NPIPB15: variants seen among roughly 807,000 people sequenced by gnomAD.
NPIPB15 encodes nuclear pore complex-interacting protein family member B15.
NPIPB15 carries 5 observed loss-of-function variants against 35.9 expected under a neutral mutation model. The ratio of observed to expected loss-of-function variants is 0.14; its 90% CI spans 0.07 to 0.29. The LOEUF is 0.29. Among genes scored for constraint, NPIPB15 ranks in the 10% least tolerant of loss-of-function variants. The pLI is 1.00. For missense variants in NPIPB15, 100 were observed against 506.1 expected (o/e 0.20, Z 7.70); for synonymous variants, 43 against 182.0 (o/e 0.24, Z 6.15).
In NPIPB15 at chr16:74,378,446, T is replaced by A. The variant is rs61012658; in HGVS notation, c.66+407T>A. ...GCCTTTTTTTTTTTTTTTTTTTTTT[T>A]GACAGAGTCTCACTCTGTCGCCCAG... is the stretch of plus-strand genomic sequence containing the variant. On this transcript the variant is annotated intron_variant, in intron 2 of 7. Coordinates refer to ENST00000692376, the MANE Select transcript of NPIPB15 (RefSeq NM_001306094.2). Among the ~76,000 whole-genome samples, 126 of 120,250 alleles carry A rather than the reference T, an allele frequency of 1.0e-3. 3 individuals carry two copies. Among genetic ancestry groups the A allele is most frequent in the African/African-American group, 1.7e-3 (50 of 30,268 alleles). 78.9% of individuals were successfully genotyped at this position (120,250 alleles called of 152,430 possible). A position where few individuals can be genotyped will look rare whatever the true frequency, so the allele number is the denominator to read the frequency against.
At chr16:74,386,483 G>C (rs1379007221) in intron 5 of NPIPB15, among the ~76,000 whole-genome samples, 1 of 117,660 alleles carries the variant, frequency 8.5e-6, no homozygotes, top group Non-Finnish European at 1.7e-5. Flanking sequence ...TTTTGAGACA[G>C]AGTCTCACTC....
At chr16:74,386,457 A>AT (rs71218016) in intron 5 of NPIPB15, among the ~76,000 whole-genome samples, 5,139 of 66,054 alleles carry the variant, frequency 0.078, 133 homozygotes, top group African/African-American at 0.087. Flanking sequence ...CATTCGGCCA[A>AT]TTTTTTTTTT....
chr16:74,386,284 C>A (rs1597157756), intron 5 of NPIPB15, among the ~76,000 whole-genome samples: 1 of 106,540 alleles, frequency 9.4e-6, no homozygotes, highest in East Asian at 3.8e-4. Context: ...CACACCCAGC[C>A]TTTTTTTTTT....
At chr16:74,378,698 C>T (rs868622507) in intron 2 of NPIPB15, among the ~76,000 whole-genome samples, 7,036 of 103,970 alleles carry the variant, frequency 0.068, 12 homozygotes, top group African/African-American at 0.093. Context: ...GCGTGAACCA[C>T]CGCGCCTGGC....
rs1468715128 is a variant in NPIPB15, at chr16:74,386,520, A to G, written c.545+771A>G. ...GTCACCCAGGCTAGAGTGCAGTGGC[A>G]TGATCTTGGCTCACTGCAACCTCCG... is the stretch of plus-strand genomic sequence containing the variant. On this transcript the variant is annotated intron_variant, in intron 5 of 7. Coordinates refer to ENST00000692376, the MANE Select transcript of NPIPB15 (RefSeq NM_001306094.2). 3.2e-5 allele frequency among the ~76,000 whole-genome samples: 4 copies of G among 123,694 alleles called. No homozygotes were observed. In the South Asian group the frequency reaches 1.1e-3, roughly 35 times the overall value. 81.1% of individuals were successfully genotyped at this position (123,694 alleles called of 152,430 possible).
chr16:74,379,386 A>C (rs2011858335), intron 2 of NPIPB15, among the ~76,000 whole-genome samples: 1 of 152,154 alleles, frequency 6.6e-6, no homozygotes, highest in Admixed American at 6.6e-5. Flanking sequence ...TCTTGAAAGA[A>C]ACATTTAAAA....
At chr16:74,389,481 C>T (rs1188615481) in intron 5 of NPIPB15, among the ~76,000 whole-genome samples, 2 of 146,768 alleles carry the variant, frequency 1.4e-5, no homozygotes, top group Admixed American at 7.3e-5. Context: ...CAAGTGATTC[C>T]CCTGCCTCAG....
At chr16:74,383,752 C>A (rs1325203530) in intron 3 of NPIPB15, among the ~76,000 whole-genome samples, 2 of 151,580 alleles carry the variant, frequency 1.3e-5, no homozygotes, top group South Asian at 2.1e-4. Flanking sequence ...CCCATCTCTA[C>A]TAAAAAGACA....
At chr16:74,384,829 G>A (rs1409372487) in intron 3 of NPIPB15, among the ~76,000 whole-genome samples, 1 of 151,192 alleles carries the variant, frequency 6.6e-6, no homozygotes, top group African/African-American at 2.4e-5. Context: ...TTACAGGCAT[G>A]CACCACCATG....
chr16:74,389,379 TTTTG>T (rs1289681839), intron 5 of NPIPB15, among the ~76,000 whole-genome samples: 4 of 150,072 alleles, frequency 2.7e-5, no homozygotes, highest in Non-Finnish European at 4.4e-5. Context: ...TTGTTTTTGT[TTTTG>T]TTTTTCTGAG....
intron 2 of NPIPB15, 139 bp downstream of exon 2, chr16:74,378,178 A>C (rs1325555129): frequency 1.6e-6 from 2 of 1,236,882 alleles, no homozygotes; most frequent in African/African-American, 2.9e-5. Context: ...CAGGAGTTGA[A>C]GACTAGCCAG....
chr16:74,391,471 C>T lies in NPIPB15; in HGVS notation c.723C>T (p.Asn241=), dbSNP rs2012540517. 1.9e-6 allele frequency: 3 copies of T among 1,613,312 alleles called. No homozygotes were observed. Among genetic ancestry groups the T allele is most frequent in the South Asian group, 1.1e-5 (1 of 91,068 alleles). ...WPYLTAEALK[N]RMGRQPPPPT... is the part of the protein sequence containing the mutation. ...ACCTCACAGCTGAAGCTTTAAAAAA[C>T]AGGATGGGCCGCCAGCCACCTCCTC... Residue 241 remains asparagine, a synonymous_variant, in exon 8 of 8, where the codon AAC becomes AAT. Coordinates refer to ENST00000692376, the MANE Select transcript of NPIPB15 (RefSeq NM_001306094.2).
chr16:74,387,405 A>G (rs933594253), intron 5 of NPIPB15, among the ~76,000 whole-genome samples: 1 of 149,414 alleles, frequency 6.7e-6, no homozygotes, highest in African/African-American at 2.5e-5. Flanking sequence ...CTTCTTCTCC[A>G]TCTTCACCTC....
rs1295626281 is a variant in NPIPB15, at chr16:74,391,447, C to T, written c.699C>T (p.Tyr233=). 6.2e-6 allele frequency: 10 copies of T among 1,611,510 alleles called. No individual in the cohort carries two copies. Among genetic ancestry groups the T allele is most frequent in the African/African-American group, 1.3e-5 (1 of 74,956 alleles). Residue 233 remains tyrosine, a synonymous_variant, in exon 8 of 8, where the codon TAC becomes TAT. Transcript: ENST00000692376. ...CTTCAGGATTGCCCTGCTGGCCCTA[C>T]CTCACAGCTGAAGCTTTAAAAAACA... ...RHSSGLPCWP[Y]LTAEALKNRM... is the part of the protein sequence containing the mutation.
chr16:74,391,026 T>TG (rs1434503046), intron 7 of NPIPB15: 15 of 769,222 alleles, frequency 2.0e-5, no homozygotes, highest in South Asian at 1.3e-4. Flanking sequence ...CATGCTCTGG[T>TG]GATGGCTGTG....
chr16:74,379,684 G>T (rs1369337522), intron 2 of NPIPB15, among the ~76,000 whole-genome samples: 1 of 151,978 alleles, frequency 6.6e-6, no homozygotes, highest in African/African-American at 2.4e-5. Context: ...CTGCCTCCTG[G>T]GTTCAAGTGA....
At chr16:74,382,052 C>CA (rs1426488648) in intron 3 of NPIPB15, among the ~76,000 whole-genome samples, 12 of 62,058 alleles carry the variant, frequency 1.9e-4, no homozygotes, top group Non-Finnish European at 3.2e-4. Flanking sequence ...GGAAAGCTTC[C>CA]AATCTCCTCT....
At chr16:74,390,068 T>A in intron 7 of NPIPB15, 38 bp downstream of exon 7, 1 of 1,597,116 alleles carries the variant, frequency 6.3e-7, no homozygotes, top group Non-Finnish European at 8.5e-7. Flanking sequence ...GAACATAGTC[T>A]GCCAGGTCAG....
At chr16:74,386,346 T>C (rs1433007926) in intron 5 of NPIPB15, among the ~76,000 whole-genome samples, 2 of 135,084 alleles carry the variant, frequency 1.5e-5, no homozygotes, top group Admixed American at 1.7e-4. Context: ...CAGGCTGGAG[T>C]GCTATGGTGC....
Sources: allele counts gnomAD v4.1 joint callset (sites outside exome capture counted in the v4.1 genomes callset), GRCh38; gene constraint gnomAD v4.1.1; transcripts MANE v1.5; gene names NCBI Gene and HGNC (gene_info 2026-07-23, HGNC 2026-07-21).